NAALADL2: variants seen among roughly 807,000 people sequenced by gnomAD.
NAALADL2 encodes inactive N-acetylated-alpha-linked acidic dipeptidase-like protein 2.
In NAALADL2, 76 loss-of-function variants were observed where a neutral mutation model predicts 87.2. The ratio of observed to expected loss-of-function variants is 0.87; its 90% confidence interval spans 0.72 to 1.05. The LOEUF is 1.05. NAALADL2 is among the 50% of genes least tolerant of loss of function. NAALADL2 has a pLI of 0.00. For synonymous variants in NAALADL2, 354 were observed against 331.0 expected (o/e 1.07, Z -0.75); for missense variants, 1,089 against 945.8 (o/e 1.15, Z -1.99).
intron 1 of NAALADL2, among the ~76,000 whole-genome samples, chr3:175,082,044 G>GTGTA (rs1025621411): frequency 8.5e-6 from 1 of 117,924 alleles, no homozygotes; most frequent in African/African-American, 2.7e-5. Flanking sequence ...GTGTGTGTAT[G>GTGTA]TGTATGTGTG....
chr3:175,350,824 G>A (rs1763677118), intron 5 of NAALADL2, among the ~76,000 whole-genome samples: 2 of 151,650 alleles, frequency 1.3e-5, no homozygotes, highest in South Asian at 2.1e-4. Context: ...GTGTGTTTGG[G>A]GACAATTAAA....
chr3:174,482,130 C>T (rs1717593661), intron 1 of NAALADL2, among the ~76,000 whole-genome samples: 1 of 152,068 alleles, frequency 6.6e-6, no homozygotes, highest in Non-Finnish European at 1.5e-5. Flanking sequence ...ACACCTAATG[C>T]AGTTCTTATT....
At chr3:175,366,336 T>C (rs1256384484) in intron 5 of NAALADL2, among the ~76,000 whole-genome samples, 1 of 151,850 alleles carries the variant, frequency 6.6e-6, no homozygotes, top group Non-Finnish European at 1.5e-5. Context: ...CATGTGTCTT[T>C]ATAACAGCAT....
chr3:174,665,195 T>C (rs1725852169), intron 2 of NAALADL2, among the ~76,000 whole-genome samples: 1 of 152,090 alleles, frequency 6.6e-6, no homozygotes, highest in Non-Finnish European at 1.5e-5. Context: ...ATTATGAGCA[T>C]TACATAGAGA....
chr3:175,059,136 T>A (rs1712879040), intron 1 of NAALADL2, among the ~76,000 whole-genome samples: 1 of 152,246 alleles, frequency 6.6e-6, no homozygotes, highest in South Asian at 2.1e-4. Flanking sequence ...AAAGCTATTT[T>A]ACCTGTTGCT....
chr3:174,544,788 C>G (rs1722584407), intron 1 of NAALADL2, among the ~76,000 whole-genome samples: 1 of 151,884 alleles, frequency 6.6e-6, no homozygotes, highest in African/African-American at 2.4e-5. Flanking sequence ...CCAGGAGAGT[C>G]TCGATCTCCT....
At chr3:175,627,270 T>C in intron 10 of NAALADL2, 21 bp from the exon 11 acceptor site, 1 of 1,525,854 alleles carries the variant, frequency 6.6e-7, no homozygotes, top group African/African-American at 1.4e-5. Flanking sequence ...TTTTAAATGT[T>C]TCTTTTTTGA....
At chr3:175,209,012 G>A (rs1028384401) in intron 2 of NAALADL2, among the ~76,000 whole-genome samples, 1 of 152,048 alleles carries the variant, frequency 6.6e-6, no homozygotes, top group Non-Finnish European at 1.5e-5. Flanking sequence ...TGTTTACAAA[G>A]GAACTTCTAT....
chr3:174,891,104 G>A (rs747205485), intron 1 of NAALADL2, among the ~76,000 whole-genome samples: 1 of 151,996 alleles, frequency 6.6e-6, no homozygotes, highest in African/African-American at 2.4e-5. Flanking sequence ...ATGCAAGGAG[G>A]TCTTCAGTAA....
chr3:175,283,297 T>C (rs1414179857), intron 4 of NAALADL2, among the ~76,000 whole-genome samples: 2 of 152,112 alleles, frequency 1.3e-5, no homozygotes, highest in African/African-American at 4.8e-5. Flanking sequence ...TCAAATCAAA[T>C]GTGATTGACT....
At chr3:174,724,593 G>T (rs1732011559) in intron 2 of NAALADL2, among the ~76,000 whole-genome samples, 1 of 152,036 alleles carries the variant, frequency 6.6e-6, no homozygotes, top group Admixed American at 6.5e-5. Context: ...CATATTTAAT[G>T]CACTTATTTT....
intron 1 of NAALADL2, among the ~76,000 whole-genome samples, chr3:174,449,889 CAT>C (rs1021751823): frequency 1.3e-5 from 2 of 152,090 alleles, no homozygotes; most frequent in African/African-American, 4.8e-5. Flanking sequence ...AAATGTTCCA[CAT>C]GATATTGTTA....
chr3:175,110,798 AAAAATATGTG>A (rs1157570851), intron 2 of NAALADL2, among the ~76,000 whole-genome samples: 1 of 151,860 alleles, frequency 6.6e-6, no homozygotes, highest in Non-Finnish European at 1.5e-5. Flanking sequence ...TGGTTCAAGA[AAAAATATGTG>A]AAAATAACAC....
At chr3:174,948,857 A>G (rs1411775145) in intron 1 of NAALADL2, among the ~76,000 whole-genome samples, 2 of 152,176 alleles carry the variant, frequency 1.3e-5, no homozygotes, top group Non-Finnish European at 2.9e-5. Flanking sequence ...GGCTGCTATA[A>G]GAAAATATGA....
chr3:174,724,076 A>G (rs1731965889), intron 2 of NAALADL2, among the ~76,000 whole-genome samples: 1 of 152,150 alleles, frequency 6.6e-6, no homozygotes, highest in South Asian at 2.1e-4. Flanking sequence ...TCTCCATGTT[A>G]TTCTCTAAGA....
At chr3:175,770,081 C>A in intron 13 of NAALADL2, among the ~76,000 whole-genome samples, 1 of 152,070 alleles carries the variant, frequency 6.6e-6, no homozygotes, top group East Asian at 1.9e-4. Context: ...TAATTAACAT[C>A]TGTAAGACAC....
At chr3:175,463,720 GA>G (rs1560592503) in intron 7 of NAALADL2, among the ~76,000 whole-genome samples, 1 of 151,094 alleles carries the variant, frequency 6.6e-6, no homozygotes, top group African/African-American at 2.5e-5. Flanking sequence ...GAGAGAGAGA[GA>G]GAGAGAGAGA....
At chr3:175,502,627 A>G (rs1438842330) in intron 9 of NAALADL2, among the ~76,000 whole-genome samples, 2 of 152,048 alleles carry the variant, frequency 1.3e-5, no homozygotes, top group Admixed American at 6.6e-5. Flanking sequence ...AGCCCACTGC[A>G]TATGTTGGAA....
At chr3:174,529,924 G>T (rs1035447155) in intron 1 of NAALADL2, among the ~76,000 whole-genome samples, 1 of 152,066 alleles carries the variant, frequency 6.6e-6, no homozygotes, top group African/African-American at 2.4e-5. Flanking sequence ...TGCTGCAAAG[G>T]TCTCTGACCT....
Sources: gnomAD v4.1 joint callset for allele counts (sites outside exome capture counted in the v4.1 genomes callset) on GRCh38, gnomAD v4.1.1 for gene constraint, MANE v1.5 for transcripts, NCBI Gene and HGNC (gene_info 2026-07-23, HGNC 2026-07-21) for gene names.